PPP3CA: variants seen among roughly 807,000 people sequenced by gnomAD.
The protein encoded by PPP3CA is protein phosphatase 3 catalytic subunit alpha.
A neutral mutation model predicts 66.5 loss-of-function variants in PPP3CA; 14 were observed. The ratio of observed to expected loss-of-function variants is 0.21; its 90% CI spans 0.14 to 0.33. The LOEUF is 0.33. PPP3CA is among the 10% of genes least tolerant of loss of function. The probability of loss-of-function intolerance (pLI) is 1.00; values close to 1 mark genes in which losing one functional copy is unlikely to be tolerated. For synonymous variants in PPP3CA, 232 were observed against 226.2 expected (o/e 1.03, Z -0.23); for missense variants, 317 against 639.5 (o/e 0.50, Z 5.44).
At chr4:101,156,798 C>T (rs961949335) in intron 2 of PPP3CA, among the ~76,000 whole-genome samples, 4 of 152,140 alleles carry the variant, frequency 2.6e-5, no homozygotes, top group Admixed American at 2.6e-4. Context: ...CTGTGGGTGG[C>T]CTGAAACCAG....
At chr4:101,085,718 T>A (rs1187243881) in intron 6 of PPP3CA, among the ~76,000 whole-genome samples, 1 of 152,132 alleles carries the variant, frequency 6.6e-6, no homozygotes, top group African/African-American at 2.4e-5. Context: ...ACCTAGGATA[T>A]ACAGAAGTTT....
chr4:101,102,552 C>G (rs546287628), intron 3 of PPP3CA, among the ~76,000 whole-genome samples: 2 of 152,202 alleles, frequency 1.3e-5, no homozygotes, highest in East Asian at 3.9e-4. Flanking sequence ...GGAGGTGGAG[C>G]CCTGCCAGCA....
At chr4:101,257,158 G>A (rs1045884934) in intron 1 of PPP3CA, among the ~76,000 whole-genome samples, 1 of 151,912 alleles carries the variant, frequency 6.6e-6, no homozygotes, top group Non-Finnish European at 1.5e-5. Context: ...ATACTTCCAT[G>A]TTATTGTTTA....
At chr4:101,154,942 G>C (rs759190568) in intron 2 of PPP3CA, among the ~76,000 whole-genome samples, 11 of 149,366 alleles carry the variant, frequency 7.4e-5, no homozygotes, top group Non-Finnish European at 1.3e-4. Context: ...TCAGCCTTCA[G>C]AGTAGCTGGG....
intron 2 of PPP3CA, among the ~76,000 whole-genome samples, chr4:101,168,444 C>T (rs1425207735): frequency 1.3e-5 from 2 of 152,058 alleles, no homozygotes; most frequent in East Asian, 1.9e-4. Context: ...ATTTAGGAAT[C>T]ATCTCACAAA....
At chr4:101,098,613 A>G (rs761525160) in intron 4 of PPP3CA, 101 bp from the exon 5 acceptor site, 3 of 1,120,530 alleles carry the variant, frequency 2.7e-6, no homozygotes, top group Non-Finnish European at 3.8e-6. Flanking sequence ...GGACCCTATT[A>G]TTAACATAAA....
intron 2 of PPP3CA, among the ~76,000 whole-genome samples, chr4:101,161,087 A>C (rs1367857481): frequency 6.6e-6 from 1 of 152,196 alleles, no homozygotes. Context: ...TATATACACA[A>C]ATACTTACCT....
intron 2 of PPP3CA, among the ~76,000 whole-genome samples, chr4:101,172,583 C>G (rs549801290): frequency 6.6e-6 from 1 of 152,032 alleles, no homozygotes; most frequent in Non-Finnish European, 1.5e-5. Flanking sequence ...AATCTTAAAA[C>G]GAGTCTTTGT....
intron 2 of PPP3CA, among the ~76,000 whole-genome samples, chr4:101,169,293 GGATT>G (rs1297624762): frequency 2.0e-5 from 3 of 152,100 alleles, no homozygotes; most frequent in African/African-American, 7.2e-5. Flanking sequence ...CCTTCTACAT[GGATT>G]TAGCACAGTG....
chr4:101,090,690 T>C (rs1729879902), intron 6 of PPP3CA, among the ~76,000 whole-genome samples: 1 of 143,372 alleles, frequency 7.0e-6, no homozygotes, highest in Non-Finnish European at 1.5e-5. Flanking sequence ...GAAATAATCA[T>C]AATGCTGAAA....
chr4:101,118,148 CTG>C (rs1307789599), intron 2 of PPP3CA, among the ~76,000 whole-genome samples: 1 of 151,906 alleles, frequency 6.6e-6, no homozygotes, highest in Non-Finnish European at 1.5e-5. Context: ...TTTCTTAACA[CTG>C]TGTCTCACTC....
chr4:101,343,235 T>A (rs1729872863), intron 1 of PPP3CA, among the ~76,000 whole-genome samples: 1 of 152,212 alleles, frequency 6.6e-6, no homozygotes, highest in Non-Finnish European at 1.5e-5. Flanking sequence ...GAAGGTAGGT[T>A]AAGAGATTTA....
Position 101,032,151 on chromosome 4 carries a change from C to T in PPP3CA, c.1339+116G>A, listed in dbSNP as rs1051135601. ...ATTGGGGTTTCAGCCCTTCTGCCAGCTGAGAAGAAGAACCGAAGACCAAGA... is the reference window on the plus strand; with the variant it reads ...ATTGGGGTTTCAGCCCTTCTGCCAGTTGAGAAGAAGAACCGAAGACCAAGA... On this transcript the variant is annotated intron_variant, in intron 12 of 13. Coordinates refer to ENST00000394854, the MANE Select transcript of PPP3CA (RefSeq NM_000944.5). 5.9e-5 allele frequency: 42 copies of T among 711,350 alleles called. No individual in the cohort carries two copies. The African/African-American group carries it at 7.4e-4, about 13-fold the overall frequency. 44.1% of individuals were successfully genotyped at this position (711,350 alleles called of 1,614,324 possible).
At position 101,060,814 on chromosome 4, in the gene PPP3CA, C is replaced by T. The variant is rs193240191; in HGVS notation, c.1156+273G>A. Among the ~76,000 whole-genome samples, 610 of 151,822 alleles carry T rather than the reference C, an allele frequency of 4.0e-3. 5 individuals are homozygous for T. The highest frequency in any genetic ancestry group is 5.2e-3 in the Non-Finnish European group (355 of 67,860). ...AAAGGATTAAATTTGTATCAAAAAGCCAAAAAAGGTCACTTAGCAATGTGA... is the reference window on the plus strand; with the variant it reads ...AAAGGATTAAATTTGTATCAAAAAGTCAAAAAAGGTCACTTAGCAATGTGA... On this transcript the variant is annotated intron_variant, in intron 10 of 13. Coordinates refer to ENST00000394854, the MANE Select transcript of PPP3CA (RefSeq NM_000944.5).
At chr4:101,033,018 A>AT (rs1431780681) in intron 11 of PPP3CA, among the ~76,000 whole-genome samples, 2 of 152,054 alleles carry the variant, frequency 1.3e-5, no homozygotes, top group Non-Finnish European at 2.9e-5. Flanking sequence ...CTTACTCAGC[A>AT]TGACAATTGT....
At chr4:101,076,896 C>T (rs1238963995) in intron 8 of PPP3CA, among the ~76,000 whole-genome samples, 1 of 152,164 alleles carries the variant, frequency 6.6e-6, no homozygotes, top group African/African-American at 2.4e-5. Flanking sequence ...TATTCACAAA[C>T]GAACATTTTT....
intron 10 of PPP3CA, among the ~76,000 whole-genome samples, chr4:101,042,797 CTTTTTCT>C (rs1367857052): frequency 4.2e-5 from 6 of 143,278 alleles, no homozygotes; most frequent in African/African-American, 1.6e-4. Context: ...CATGAAAAGA[CTTTTTCT>C]TTTTTTTTTT....
At chr4:101,062,010 C>T (rs565079814) in intron 9 of PPP3CA, among the ~76,000 whole-genome samples, 1 of 152,052 alleles carries the variant, frequency 6.6e-6, no homozygotes, top group South Asian at 2.1e-4. Context: ...TCAATAGAGC[C>T]AACACTGATC....
At chr4:101,036,598 G>C (rs762477024) in intron 11 of PPP3CA, among the ~76,000 whole-genome samples, 8 of 152,132 alleles carry the variant, frequency 5.3e-5, no homozygotes, top group Non-Finnish European at 1.0e-4. Flanking sequence ...ATTTTCAGTA[G>C]AGATGGGGTT....
Sources: gnomAD v4.1 joint callset for allele counts (sites outside exome capture counted in the v4.1 genomes callset) on GRCh38, gnomAD v4.1.1 for gene constraint, MANE v1.5 for transcripts, NCBI Gene and HGNC (gene_info 2026-07-23, HGNC 2026-07-21) for gene names.